CNTRL: variants seen among roughly 807,000 people sequenced by gnomAD.
The protein encoded by CNTRL is centriolin.
In CNTRL, 233 loss-of-function variants were observed where a neutral mutation model predicts 303.7. The ratio of observed to expected loss-of-function variants is 0.77; its 90% CI spans 0.69 to 0.86. The LOEUF (loss-of-function observed/expected upper bound fraction) is 0.86. Ranked by LOEUF, CNTRL falls within the 40% of genes least tolerant of loss-of-function variation. CNTRL has a pLI of 0.00. For synonymous variants in CNTRL, 900 were observed against 922.2 expected (o/e 0.98, Z 0.44); for missense variants, 2,524 against 2,650.6 (o/e 0.95, Z 1.05).
Position 121,151,626 on chromosome 9 carries a change from G to C in CNTRL, c.3964-859G>C, listed in dbSNP as rs530942061. Among the ~76,000 whole-genome samples the C allele has an allele frequency of 3.9e-5, 6 of 152,140 alleles. No homozygotes were observed. In the East Asian group the frequency reaches 7.7e-4, roughly 20 times the overall value. Reference sequence around the variant, plus strand: ...AGGCTGGTCTCGAACTCCTGACCTTGAGTGATCGCCTGCCTGGACCTCCCA... The same window carrying C: ...AGGCTGGTCTCGAACTCCTGACCTTCAGTGATCGCCTGCCTGGACCTCCCA... On this transcript the variant is annotated intron_variant, in intron 25 of 43. Coordinates refer to ENST00000373855, the MANE Select transcript of CNTRL (RefSeq NM_007018.6).
intron 18 of CNTRL, among the ~76,000 whole-genome samples, chr9:121,141,889 T>A (rs2068055): frequency 0.13 from 19,316 of 152,174 alleles, 1,317 homozygotes; most frequent in East Asian, 0.18. Flanking sequence ...CTGGTATTTT[T>A]TGATGTGATG....
chr9:121,102,138 G>T (rs1297290144), intron 7 of CNTRL, among the ~76,000 whole-genome samples: 1 of 152,198 alleles, frequency 6.6e-6, no homozygotes, highest in Non-Finnish European at 1.5e-5. Context: ...GAACATCGAT[G>T]TGAAAATTCT....
At position 121,117,852 on chromosome 9, in the gene CNTRL, G is replaced by A. The variant is rs369246976; in HGVS notation, c.1456-494G>A. Among the ~76,000 whole-genome samples, 362 of 151,992 alleles carry A rather than the reference G, an allele frequency of 2.4e-3. 6 individuals are homozygous for A. In the South Asian group the frequency reaches 0.032, roughly 13 times the overall value. On this transcript the variant is annotated intron_variant, in intron 11 of 43. Coordinates refer to ENST00000373855, the MANE Select transcript of CNTRL (RefSeq NM_007018.6). ...AAATTAGCTGGGCGTGGTAGTGGGC[G>A]CCTATAGTCCCAGCTACTCGGGAGG...
Position 121,124,425 on chromosome 9 carries a change from G to A in CNTRL, c.1804+341G>A, listed in dbSNP as rs116829099. On this transcript the variant is annotated intron_variant, in intron 13 of 43. Coordinates refer to ENST00000373855, the MANE Select transcript of CNTRL (RefSeq NM_007018.6). ...ATTGGCATCAGGGAATTCAGTGTCT[G>A]GTTATAAGAAGAAAGAGTTTTAGGA... Among the ~76,000 whole-genome samples the A allele has an allele frequency of 1.3e-3, 203 of 152,250 alleles. 2 individuals carry two copies. The highest frequency in any genetic ancestry group is 4.5e-3 in the African/African-American group (185 of 41,532).
At chr9:121,166,967 G>A (rs931364880) in intron 36 of CNTRL, among the ~76,000 whole-genome samples, 4 of 150,922 alleles carry the variant, frequency 2.7e-5, no homozygotes, top group Non-Finnish European at 5.9e-5. Context: ...GTTGCCGTGA[G>A]CTGAGATTGC....
intron 40 of CNTRL, 139 bp downstream of exon 40, chr9:121,171,687 GTTT>G: frequency 2.4e-6 from 2 of 825,010 alleles, no homozygotes; most frequent in Non-Finnish European, 3.4e-6. Context: ...GTCAAATCTG[GTTT>G]TTTAGCCTTA....
chr9:121,122,449 G>C (rs199647722), intron 12 of CNTRL: 1 of 950,204 alleles, frequency 1.1e-6, no homozygotes, highest in East Asian at 1.2e-4. Flanking sequence ...ATAAAATTGA[G>C]TAATATTCTT....
At chr9:121,131,118 G>A (rs187392663) in intron 14 of CNTRL, among the ~76,000 whole-genome samples, 17 of 152,318 alleles carry the variant, frequency 1.1e-4, no homozygotes, top group African/African-American at 3.6e-4. Context: ...TTGATTTGGG[G>A]TGGAGAATTC....
chr9:121,118,482 A>G lies in CNTRL; in HGVS notation c.1592A>G (p.Lys531Arg). 1 of 1,610,992 alleles carries G rather than the reference A, an allele frequency of 6.2e-7. No homozygotes were observed. The highest frequency in any genetic ancestry group is 8.5e-7 in the Non-Finnish European group (1 of 1,177,942). Residue 531 changes from lysine (K) to arginine (R), a missense_variant, in exon 12 of 44, where the codon AAG becomes AGG. By Grantham distance (26) the Lys-to-Arg change is conservative (BLOSUM62 2). Coordinates refer to ENST00000373855, the MANE Select transcript of CNTRL (RefSeq NM_007018.6). The part of the protein sequence containing the change: ...KQKQEIAGKQ[K>R]EIKDLQIAID... ...AAGCAGGAAATTGCCGGAAAGCAGA[A>G]GGAGATTAAGGACCTGCAAATAGCC...
At chr9:121,082,409 A>G (rs565948308) in intron 2 of CNTRL, among the ~76,000 whole-genome samples, 3 of 152,348 alleles carry the variant, frequency 2.0e-5, no homozygotes, top group African/African-American at 7.2e-5. Flanking sequence ...GTTGCAGTTC[A>G]TTATGTAGAG....
Position 121,177,551 on chromosome 9 carries a change from G to A in CNTRL, c.*365G>A. On this transcript the variant is annotated 3_prime_UTR_variant, in exon 44 of 44. Transcript: ENST00000373855. ...AGGCCCTCTTTATTTATAGTGTCGA[G>A]TTATTTTTGAATTTTGCTTAAAATC... The A allele has an allele frequency of 4.3e-6, 1 of 233,236 alleles. No individual in the cohort carries two copies. The highest frequency in any genetic ancestry group is 8.3e-6 in the Non-Finnish European group (1 of 120,474). The allele number at this position is 233,236 out of a possible 1,614,324, so 14.4% of individuals were successfully genotyped here.
chr9:121,104,728 T>C (rs1196601084), intron 7 of CNTRL, among the ~76,000 whole-genome samples: 1 of 120,304 alleles, frequency 8.3e-6, no homozygotes, highest in Non-Finnish European at 1.6e-5. Flanking sequence ...TGAGACAGAG[T>C]TTCGCTCTTG....
At chr9:121,138,761 T>G (rs2051337218) in intron 16 of CNTRL, 82 bp downstream of exon 16, 6 of 1,410,862 alleles carry the variant, frequency 4.3e-6, no homozygotes, top group South Asian at 1.3e-5. Flanking sequence ...CTTAGCAACC[T>G]GCTCTAACAT....
intron 1 of CNTRL, among the ~76,000 whole-genome samples, chr9:121,079,879 T>G (rs1222712723): frequency 6.6e-6 from 1 of 152,184 alleles, no homozygotes; most frequent in Non-Finnish European, 1.5e-5. Flanking sequence ...GTTTTGTTTT[T>G]TTGAGATGAA....
At chr9:121,081,287 C>G (rs565624544) in intron 2 of CNTRL, among the ~76,000 whole-genome samples, 1 of 152,284 alleles carries the variant, frequency 6.6e-6, no homozygotes, top group African/African-American at 2.4e-5. Context: ...AATGTTCTTC[C>G]TACTGCCGTA....
intron 7 of CNTRL, among the ~76,000 whole-genome samples, chr9:121,099,891 A>G (rs1170505547): frequency 6.6e-6 from 1 of 152,228 alleles, no homozygotes; most frequent in East Asian, 1.9e-4. Flanking sequence ...CAAAGCCTCT[A>G]AGAAATATGG....
intron 14 of CNTRL, among the ~76,000 whole-genome samples, chr9:121,134,290 A>ATTT (rs1357821014): frequency 1.0e-5 from 1 of 97,882 alleles, no homozygotes; most frequent in Non-Finnish European, 2.0e-5. Context: ...TAATATCATT[A>ATTT]TTATTTTTTT....
At chr9:121,104,551 C>G (rs1218781341) in intron 7 of CNTRL, among the ~76,000 whole-genome samples, 1 of 149,586 alleles carries the variant, frequency 6.7e-6, no homozygotes, top group African/African-American at 2.5e-5. Context: ...ATAAATAAAA[C>G]TATCCAAAAA....
chr9:121,110,408 CAAT>C, intron 8 of CNTRL, among the ~76,000 whole-genome samples: 1 of 151,928 alleles, frequency 6.6e-6, no homozygotes, highest in Admixed American at 6.6e-5. Context: ...AGAATAATGC[CAAT>C]ACTAAAAGCC....
Sources: gnomAD v4.1 joint callset for allele counts (sites outside exome capture counted in the v4.1 genomes callset) on GRCh38, gnomAD v4.1.1 for gene constraint, MANE v1.5 for transcripts, NCBI Gene and HGNC (gene_info 2026-07-23, HGNC 2026-07-21) for gene names.